Variants in IMMP2L observed in about 807,000 individuals in gnomAD.
IMMP2L encodes mitochondrial inner membrane protease subunit 2.
Under a neutral mutation model 19.3 loss-of-function variants are expected in IMMP2L, and 18 were observed. The observed-to-expected ratio is 0.93, with a 90% confidence interval of 0.64 to 1.38. IMMP2L has a LOEUF of 1.38. Among genes scored for constraint, IMMP2L ranks in the 40% most tolerant of loss-of-function variants. The pLI, the probability that IMMP2L is intolerant of heterozygous loss-of-function variation, is 0.00. For synonymous variants in IMMP2L, 76 were observed against 73.0 expected, an observed-to-expected ratio of 1.04 and a Z score of -0.21; for missense variants, 233 against 218.2, an observed-to-expected ratio of 1.07 and a Z score of -0.43.
chr7:110,665,358 A>G (rs1358236882), intron 5 of IMMP2L, among the ~76,000 whole-genome samples: 1 of 152,186 alleles, frequency 6.6e-6, no homozygotes, highest in African/African-American at 2.4e-5. Context: ...TTATCCCTGA[A>G]AACTTCAACA....
intron 3 of IMMP2L, among the ~76,000 whole-genome samples, chr7:111,415,936 ACATAT>A (rs947576201): frequency 3.3e-5 from 5 of 151,876 alleles, no homozygotes; most frequent in East Asian, 1.9e-4. Flanking sequence ...TGCAAATAAA[ACATAT>A]CATGAGTCCT....
intron 2 of IMMP2L, among the ~76,000 whole-genome samples, chr7:111,512,547 A>G (rs2132580520): frequency 6.6e-6 from 1 of 152,274 alleles, no homozygotes; most frequent in Non-Finnish European, 1.5e-5. Context: ...AAAGCGTTCT[A>G]CAGATTCAAT....
At chr7:111,304,670 A>ATATG (rs1554439072) in intron 3 of IMMP2L, among the ~76,000 whole-genome samples, 78 of 126,060 alleles carry the variant, frequency 6.2e-4, no homozygotes, top group African/African-American at 2.2e-3. Context: ...CACATATATA[A>ATATG]TGTGTGTGTG....
chr7:110,857,497 T>C (rs965840702), intron 5 of IMMP2L, among the ~76,000 whole-genome samples: 26 of 152,112 alleles, frequency 1.7e-4, no homozygotes, highest in African/African-American at 6.0e-4. Context: ...CCCAAGCCAC[T>C]GATTTTCAAA....
intron 3 of IMMP2L, among the ~76,000 whole-genome samples, chr7:111,265,919 T>G (rs1318982488): frequency 1.3e-5 from 2 of 152,198 alleles, no homozygotes; most frequent in African/African-American, 4.8e-5. Context: ...ATGACTGGGT[T>G]AATGACTGAT....
intron 3 of IMMP2L, among the ~76,000 whole-genome samples, chr7:111,383,032 C>T (rs971070000): frequency 6.6e-6 from 1 of 151,924 alleles, no homozygotes; most frequent in African/African-American, 2.4e-5. Context: ...CTCTACTACA[C>T]AAAAAATAAA....
At chr7:110,724,301 A>G (rs1008993691) in intron 5 of IMMP2L, 1 of 152,180 alleles carries the variant, frequency 6.6e-6, no homozygotes, top group African/African-American at 2.4e-5. Context: ...GTTAAGGACA[A>G]TTATTAGCTA....
intron 3 of IMMP2L, among the ~76,000 whole-genome samples, chr7:111,184,778 T>TGTGA (rs1326385536): frequency 6.6e-6 from 1 of 151,728 alleles, no homozygotes; most frequent in Non-Finnish European, 1.5e-5. Context: ...AGTGTGTGTG[T>TGTGA]GTGTGCATTT....
chr7:111,279,594 G>C (rs577037431), intron 3 of IMMP2L, among the ~76,000 whole-genome samples: 4 of 152,222 alleles, frequency 2.6e-5, no homozygotes, highest in African/African-American at 9.6e-5. Flanking sequence ...TTACAGTTTT[G>C]TCATCTATGA....
chr7:110,984,486 C>T (rs1056729920), intron 3 of IMMP2L, among the ~76,000 whole-genome samples: 2 of 151,996 alleles, frequency 1.3e-5, no homozygotes, highest in South Asian at 2.1e-4. Context: ...TAATAATTTA[C>T]GTTGCATAAG....
At chr7:111,295,272 T>C (rs561799440) in intron 3 of IMMP2L, among the ~76,000 whole-genome samples, 3 of 152,060 alleles carry the variant, frequency 2.0e-5, no homozygotes, top group African/African-American at 7.2e-5. Flanking sequence ...TGTGTTGATA[T>C]ATTGCCTGAG....
intron 3 of IMMP2L, among the ~76,000 whole-genome samples, chr7:111,149,938 C>T (rs1803890258): frequency 6.6e-6 from 1 of 152,122 alleles, no homozygotes; most frequent in Admixed American, 6.6e-5. Context: ...TATTCTTATA[C>T]CCCGTGAAGT....
chr7:110,824,658 G>T (rs1270956307), intron 5 of IMMP2L, among the ~76,000 whole-genome samples: 1 of 151,954 alleles, frequency 6.6e-6, no homozygotes, highest in East Asian at 1.9e-4. Context: ...ATGAACCACC[G>T]CTCCCAGCCT....
chr7:110,818,566 G>C (rs1802747410), intron 5 of IMMP2L, among the ~76,000 whole-genome samples: 1 of 151,984 alleles, frequency 6.6e-6, no homozygotes, highest in Non-Finnish European at 1.5e-5. Flanking sequence ...CGATTCCTCA[G>C]GGATCTAGAA....
intron 5 of IMMP2L, among the ~76,000 whole-genome samples, chr7:110,848,813 C>A (rs1034524492): frequency 6.6e-6 from 1 of 151,936 alleles, no homozygotes; most frequent in Non-Finnish European, 1.5e-5. Flanking sequence ...TCTGAAGAGG[C>A]TACATACTAT....
intron 5 of IMMP2L, among the ~76,000 whole-genome samples, chr7:110,688,542 A>G (rs1452188778): frequency 1.3e-5 from 2 of 152,110 alleles, no homozygotes; most frequent in Non-Finnish European, 2.9e-5. Context: ...CCACAAACGC[A>G]TAAGACTAAG....
chr7:111,378,946 T>A, intron 3 of IMMP2L, among the ~76,000 whole-genome samples: 1 of 151,804 alleles, frequency 6.6e-6, no homozygotes, highest in East Asian at 1.9e-4. Context: ...TACAATTCCA[T>A]AAGAATACAA....
intron 5 of IMMP2L, among the ~76,000 whole-genome samples, chr7:110,844,693 TTAAGAAACTTCTAC>T (rs1805477463): frequency 1.7e-5 from 2 of 116,740 alleles, no homozygotes; most frequent in African/African-American, 3.4e-5. Flanking sequence ...GGGAAGACAG[TTAAGAAACTTCTAC>T]AGCAGTCCAG....
chr7:111,382,163 T>C (rs1177484081), intron 3 of IMMP2L, among the ~76,000 whole-genome samples: 2 of 151,840 alleles, frequency 1.3e-5, no homozygotes, highest in Non-Finnish European at 1.5e-5. Flanking sequence ...ACAAAAATTC[T>C]GAAAAGGAGA....
Sources: gnomAD v4.1 joint callset for allele counts (sites outside exome capture counted in the v4.1 genomes callset) on GRCh38, gnomAD v4.1.1 for gene constraint, MANE v1.5 for transcripts, NCBI Gene and HGNC (gene_info 2026-07-23, HGNC 2026-07-21) for gene names.